Variants in YTHDC2 observed in about 807,000 individuals in gnomAD.
YTHDC2 encodes the protein 3'-5' RNA helicase YTHDC2.
Under a neutral mutation model 174.9 loss-of-function variants are expected in YTHDC2, and 45 were observed. The ratio of observed to expected loss-of-function variants is 0.26; its 90% CI spans 0.20 to 0.33. The LOEUF (loss-of-function observed/expected upper bound fraction) is 0.33, where lower values mean the gene tolerates loss of function less well. Among genes scored for constraint, YTHDC2 ranks in the 10% least tolerant of loss-of-function variants. The pLI, the probability that YTHDC2 is intolerant of heterozygous loss-of-function variation, is 1.00. For missense variants in YTHDC2, 1,650 were observed against 1,723.7 expected (o/e 0.96, Z 0.76); for synonymous variants, 657 against 574.5 (o/e 1.14, Z -2.05).
chr5:113,549,560 C>G (rs943207385), intron 12 of YTHDC2, among the ~76,000 whole-genome samples: 3 of 151,962 alleles, frequency 2.0e-5, no homozygotes, highest in Admixed American at 2.0e-4. Flanking sequence ...GAATACAAAA[C>G]TATAATAAAA....
At chr5:113,532,204 A>C (rs1487556107) in intron 4 of YTHDC2, among the ~76,000 whole-genome samples, 1 of 152,202 alleles carries the variant, frequency 6.6e-6, no homozygotes, top group East Asian at 1.9e-4. Flanking sequence ...TACGGACATT[A>C]AGTACAGTCA....
chr5:113,560,875 G>T (rs1359791213), intron 17 of YTHDC2, among the ~76,000 whole-genome samples: 1 of 152,160 alleles, frequency 6.6e-6, no homozygotes, highest in African/African-American at 2.4e-5. Flanking sequence ...TGTCCTTCAT[G>T]AATCTCACTG....
At position 113,567,780 on chromosome 5, in the gene YTHDC2, A is replaced by G. The variant is rs758282907; in HGVS notation, c.3175A>G (p.Thr1059Ala). Residue 1059 changes from threonine to alanine, a missense_variant, in exon 23 of 30, where the codon ACT (threonine) becomes GCT (alanine). This residue lies in a region of YTHDC2 where 913 missense variants were observed against 940.4 expected (regional missense o/e 0.97). Transcript: ENST00000161863. Reference sequence around the variant, plus strand: ...ATGTTGTTCAGCAGTGACGCCTGTCACTATATTGGTATTCTGTGGACCAGC... The same window carrying G: ...ATGTTGTTCAGCAGTGACGCCTGTCGCTATATTGGTATTCTGTGGACCAGC... Reference protein sequence around the residue: ...IRCCSAVTPVTILVFCGPARL... With the variant: ...IRCCSAVTPVAILVFCGPARL... 4 of 1,607,944 alleles carry G rather than the reference A, an allele frequency of 2.5e-6. No individual in the cohort carries two copies. The Admixed American group carries it at 6.8e-5, about 27-fold the overall frequency.
rs1441309223 is a variant in YTHDC2 at position 113,541,127 on chromosome 5, C to T, written c.1359+11C>T. 6.2e-7 allele frequency: 1 copy of T among 1,613,858 alleles called. No homozygotes were observed. The highest frequency in any genetic ancestry group is 1.7e-5 in the Admixed American group (1 of 59,998). ...GTCTTCAGTCAGCTGGTATGACCTC[C>T]CTGGTTTCCCACTCATATTTTGTGT... is the stretch of plus-strand genomic sequence containing the variant. On this transcript the variant is annotated intron_variant, in intron 9 of 29. Coordinates refer to ENST00000161863, the MANE Select transcript of YTHDC2 (RefSeq NM_022828.5).
rs202088776 is a variant in YTHDC2, at chr5:113,513,916, C to T, written c.21C>T (p.Val7=). Residue 7 remains valine, a synonymous_variant, in exon 1 of 30, where the codon GTC becomes GTT. Transcript: ENST00000161863. MSRPSS[V]SPRQPAPGGG... is the part of the protein sequence containing the mutation. The stretch of plus-strand genomic sequence containing the variant: ...GGGCAATGTCCAGGCCGAGCAGCGT[C>T]TCCCCGCGGCAGCCGGCTCCTGGCG... 116 of 1,605,590 alleles carry T rather than the reference C, an allele frequency of 7.2e-5. 1 individual carries two copies. In the East Asian group the frequency reaches 1.9e-3, roughly 27 times the overall value.
intron 12 of YTHDC2, among the ~76,000 whole-genome samples, chr5:113,551,738 C>G (rs1016211123): frequency 1.3e-5 from 2 of 151,966 alleles, no homozygotes; most frequent in African/African-American, 4.8e-5. Context: ...ACATGTATCC[C>G]AGAACTTAAA....
chr5:113,564,179 G>T, intron 20 of YTHDC2, 48 bp downstream of exon 20: 1 of 1,486,404 alleles, frequency 6.7e-7, no homozygotes, highest in Non-Finnish European at 9.0e-7. Context: ...GGGTAAACAC[G>T]TTTCTGGGGC....
intron 23 of YTHDC2, among the ~76,000 whole-genome samples, chr5:113,570,982 G>T (rs958175084): frequency 6.6e-6 from 1 of 152,030 alleles, no homozygotes; most frequent in African/African-American, 2.4e-5. Context: ...TTTTTCTCTG[G>T]CCTGATTTCC....
rs70973686 is a variant in YTHDC2 at position 113,561,957 on chromosome 5, G to GGTGTGTGTGTGTGTGT, written c.2322+799_2322+814dup. ...GATTTTCTGACCTCTATTAATTGTG[G>GGTGTGTGTGTGTGTGT]GTGTGTGTGTGTGTGTGTGTGTGTG... On this transcript the variant is annotated intron_variant, in intron 18 of 29. Transcript: ENST00000161863. 3.1e-3 allele frequency among the ~76,000 whole-genome samples: 414 copies of GGTGTGTGTGTGTGTGT among 134,940 alleles called. 6 individuals carry two copies. Among genetic ancestry groups the GGTGTGTGTGTGTGTGT allele is most frequent in the Admixed American group, 7.4e-3 (96 of 12,988 alleles). 88.5% of individuals were successfully genotyped at this position (134,940 alleles called of 152,430 possible).
intron 19 of YTHDC2, 50 bp downstream of exon 19, chr5:113,563,542 TA>T: frequency 6.5e-7 from 1 of 1,534,658 alleles, no homozygotes; most frequent in South Asian, 1.3e-5. Flanking sequence ...CTTGAAATTT[TA>T]AACTAAAAGG....
At chr5:113,521,695 C>G (rs1204098706) in intron 2 of YTHDC2, among the ~76,000 whole-genome samples, 1 of 149,226 alleles carries the variant, frequency 6.7e-6, no homozygotes, top group Non-Finnish European at 1.5e-5. Context: ...CGTGCCACTG[C>G]ACTCCAGCCT....
At chr5:113,536,001 A>G (rs1775041736) in intron 7 of YTHDC2, among the ~76,000 whole-genome samples, 1 of 152,086 alleles carries the variant, frequency 6.6e-6, no homozygotes, top group Non-Finnish European at 1.5e-5. Flanking sequence ...TAGTGAGCCT[A>G]ATTCTCTTAC....
intron 4 of YTHDC2, among the ~76,000 whole-genome samples, chr5:113,527,473 T>C (rs1164397774): frequency 6.6e-6 from 1 of 152,210 alleles, no homozygotes; most frequent in Non-Finnish European, 1.5e-5. Context: ...AAAATTAGTT[T>C]GCTTTTAATA....
rs1280720939 is a variant in YTHDC2 at position 113,593,793 on chromosome 5, G to C, written c.*319G>C. The C allele has an allele frequency of 1.3e-5, 2 of 155,138 alleles. No individual in the cohort carries two copies. The highest frequency in any genetic ancestry group is 2.4e-5 in the African/African-American group (1 of 41,464). The allele number at this position is 155,138 out of a possible 1,614,324, so 9.6% of individuals were successfully genotyped here. On this transcript the variant is annotated 3_prime_UTR_variant, in exon 30 of 30. Coordinates refer to ENST00000161863, the MANE Select transcript of YTHDC2 (RefSeq NM_022828.5). ...AAAACACTGAATTACAGTTCTTATT[G>C]ATGACTTTTTAATGCAGAGTAAGTT... is the stretch of plus-strand genomic sequence containing the variant.
chr5:113,538,285 A>G (rs1471231986), intron 7 of YTHDC2, among the ~76,000 whole-genome samples: 3 of 152,296 alleles, frequency 2.0e-5, no homozygotes, highest in South Asian at 4.1e-4. Flanking sequence ...TATTGCAGTC[A>G]GAGTGGTCTT....
rs113925773 is a variant in YTHDC2, at chr5:113,581,635, A to T, written c.3573A>T (p.Ser1191=). 2 of 1,613,256 alleles carry T rather than the reference A, an allele frequency of 1.2e-6. No individual in the cohort carries two copies. Among genetic ancestry groups the T allele is most frequent in the Non-Finnish European group, 1.7e-6 (2 of 1,179,728 alleles). ...PMSSEELPLA[S]SWRSNNSRKS... Reference sequence around the variant, plus strand: ...CTTCAGAAGAGCTTCCTTTGGCCTCATCTTGGAGGTCAAATAATAGTAGGA... The same window carrying T: ...CTTCAGAAGAGCTTCCTTTGGCCTCTTCTTGGAGGTCAAATAATAGTAGGA... Residue 1191 remains serine, a synonymous_variant, in exon 25 of 30, where the codon TCA becomes TCT. Transcript: ENST00000161863.
chr5:113,574,543 C>T (rs1258932033), intron 23 of YTHDC2, among the ~76,000 whole-genome samples: 2 of 152,158 alleles, frequency 1.3e-5, no homozygotes, highest in Non-Finnish European at 2.9e-5. Context: ...GTATAGCCAT[C>T]AGGCTGGAGT....
intron 12 of YTHDC2, among the ~76,000 whole-genome samples, chr5:113,552,504 A>G (rs369514183): frequency 1.2e-4 from 18 of 152,126 alleles, no homozygotes; most frequent in Admixed American, 8.5e-4. Context: ...TTGTAGCACT[A>G]TTTTTATGAC....
chr5:113,542,095 TAAC>T (rs1445062108), intron 9 of YTHDC2, among the ~76,000 whole-genome samples: 2 of 152,212 alleles, frequency 1.3e-5, no homozygotes, highest in South Asian at 2.1e-4. Flanking sequence ...TATGTGCATT[TAAC>T]AACATCATAT....
Sources: gnomAD v4.1 joint callset for allele counts (sites outside exome capture counted in the v4.1 genomes callset) on GRCh38, gnomAD v4.1.1 for gene constraint, gnomAD v4.1.1 regional missense constraint, MANE v1.5 for transcripts, NCBI Gene and HGNC (gene_info 2026-07-23, HGNC 2026-07-21) for gene names.